Variants in EEF1A2 observed in about 807,000 individuals in gnomAD.
EEF1A2 encodes eukaryotic translation elongation factor 1 alpha 2.
Under a neutral mutation model 39.3 loss-of-function variants are expected in EEF1A2, and 5 were observed. The observed-to-expected ratio is 0.13, with a 90% CI of 0.07 to 0.27. The LOEUF (loss-of-function observed/expected upper bound fraction) is 0.27, where lower values mean the gene tolerates loss of function less well. Among genes scored for constraint, EEF1A2 ranks in the 10% least tolerant of loss-of-function variants. The pLI is 1.00. For synonymous variants in EEF1A2, 287 were observed against 293.7 expected (o/e 0.98, Z 0.23); for missense variants, 218 against 681.4 (o/e 0.32, Z 7.57).
At chr20:63,488,725 C>T (rs2082364866) in intron 7 of EEF1A2, among the ~76,000 whole-genome samples, 193 bp downstream of exon 7, 1 of 152,242 alleles carries the variant, frequency 6.6e-6, no homozygotes, top group Non-Finnish European at 1.5e-5. Context: ...CAGGGCCCAC[C>T]CCAGCTCGTC....
At position 63,493,291 on chromosome 20, in the gene EEF1A2, G is replaced by C. The variant is rs1313830443; in HGVS notation, c.622-4C>G. ...TCCAGCCCTTGAACCACGGCATCTG[G>C]ACCAAAGGGAGAAAATCAATCCGTT... On this transcript the variant is annotated splice_polypyrimidine_tract_variant and splice_region_variant and intron_variant, in intron 4 of 7. Coordinates refer to ENST00000217182, the MANE Select transcript of EEF1A2 (RefSeq NM_001958.5). 1 of 1,507,878 alleles carries C rather than the reference G, an allele frequency of 6.6e-7. No homozygotes were observed. The highest frequency in any genetic ancestry group is 2.1e-5 in the Admixed American group (1 of 47,240). The allele number at this position is 1,507,878 out of a possible 1,614,324, so 93.4% of individuals were successfully genotyped here.
chr20:63,494,692 T>C (rs2082408452), intron 4 of EEF1A2, 113 bp downstream of exon 4: 2 of 1,393,842 alleles, frequency 1.4e-6, no homozygotes, highest in Non-Finnish European at 1.9e-6. Flanking sequence ...GAGGGGAACC[T>C]GCATTTCCCG....
chr20:63,498,561 A>ACCCT lies in EEF1A2; in HGVS notation c.-72+493_-72+496dup, dbSNP rs1205843569. 16 of 150,264 alleles carry ACCCT rather than the reference A, an allele frequency of 1.1e-4. No individual in the cohort carries two copies. Among genetic ancestry groups the ACCCT allele is most frequent in the African/African-American group, 4.0e-4 (16 of 40,172 alleles). 9.3% of individuals were successfully genotyped at this position (150,264 alleles called of 1,614,324 possible). ...TCGGCCCCGTGGGGGTATAGGGGGC[A>ACCCT]CCCTCCCTCCCCCCCTCCCTGTGAC... On this transcript the variant is annotated intron_variant, in intron 1 of 7. Transcript: ENST00000217182. This position sits in a 1 kb window ranked among gnomAD's most constrained non-coding sequence, Gnocchi z 4.1.
intron 6 of EEF1A2, 145 bp from the exon 7 acceptor site, chr20:63,489,297 G>A: frequency 1.4e-6 from 1 of 715,590 alleles, no homozygotes; most frequent in South Asian, 1.9e-5. Flanking sequence ...CTCAGGCTCT[G>A]AGGACCCAGC....
In EEF1A2 at chr20:63,497,859, G is replaced by T. The variant is rs957009078; in HGVS notation, c.-71-25C>A. 1.3e-6 allele frequency: 2 copies of T among 1,495,162 alleles called. No homozygotes were observed. Among genetic ancestry groups the T allele is most frequent in the African/African-American group, 2.8e-5 (2 of 71,744 alleles). 92.6% of individuals were successfully genotyped at this position (1,495,162 alleles called of 1,614,324 possible). On this transcript the variant is annotated intron_variant, in intron 1 of 7. Coordinates refer to ENST00000217182, the MANE Select transcript of EEF1A2 (RefSeq NM_001958.5). This position sits in a 1 kb window ranked among gnomAD's most constrained non-coding sequence, Gnocchi z 7.3. ...TCTGTGGGGCCAGTGGTGGTGGGGA[G>T]ACCGGTGATGGGGAGCCCCAGGGGG...
rs902592743 is a variant in EEF1A2 at position 63,497,214 on chromosome 20, T to C, written c.144+406A>G. The C allele has an allele frequency of 4.2e-4, 68 of 162,694 alleles. No individual in the cohort carries two copies. The highest frequency in any genetic ancestry group is 7.7e-4 in the Non-Finnish European group (58 of 75,422). 10.1% of individuals were successfully genotyped at this position (162,694 alleles called of 1,614,324 possible). Reference sequence around the variant, plus strand: ...GGCCGGCTGCCCATCAATCAGCTATTAATAGTAGCGTGTGCCCTGGCAGGG... The same window carrying C: ...GGCCGGCTGCCCATCAATCAGCTATCAATAGTAGCGTGTGCCCTGGCAGGG... On this transcript the variant is annotated intron_variant, in intron 2 of 7. Transcript: ENST00000217182. This position sits in a 1 kb window ranked among gnomAD's most constrained non-coding sequence, Gnocchi z 7.3.
chr20:63,491,876 AGATG>A (rs1167375518), intron 5 of EEF1A2, among the ~76,000 whole-genome samples: 1,173 of 62,278 alleles, frequency 0.019, 27 homozygotes, highest in African/African-American at 0.068. Context: ...GTGGATGGAT[AGATG>A]GATGGATGGA....
Position 63,489,003 on chromosome 20 carries a change from G to T in EEF1A2, c.1179C>A (p.Ser393=). The T allele has an allele frequency of 6.2e-7, 1 of 1,612,730 alleles. No individual in the cohort carries two copies. Among genetic ancestry groups the T allele is most frequent in the Non-Finnish European group, 8.5e-7 (1 of 1,179,934 alleles). The change falls in exon 7 of 8, where the codon TCC becomes TCA. Residue 393 remains serine, a synonymous_variant. Transcript: ENST00000217182. The stretch of plus-strand genomic sequence containing the variant: ...CGATGGCCGCGTCTCCAGACTTCAG[G>T]GACTTGGGGTTGTCCTCCAGCTTCT... The part of the protein sequence containing the change: ...SGKKLEDNPK[S]LKSGDAAIVE...
At position 63,498,716 on chromosome 20, in the gene EEF1A2, G is replaced by GA. The variant is rs1269305896; in HGVS notation, c.-72+341_-72+342insT. ...ACCCTGGGGTGGGAACACGGGTGGGGGTGGGGAGGCCAGGGCCCCCAGATC... is the reference window on the plus strand; with the variant it reads ...ACCCTGGGGTGGGAACACGGGTGGGGAGTGGGGAGGCCAGGGCCCCCAGATC... On this transcript the variant is annotated intron_variant, in intron 1 of 7. Coordinates refer to ENST00000217182, the MANE Select transcript of EEF1A2 (RefSeq NM_001958.5). This position sits in a 1 kb window ranked among gnomAD's most constrained non-coding sequence, Gnocchi z 4.1. 6.6e-6 allele frequency: 1 copy of GA among 152,160 alleles called. No homozygotes were observed. Among genetic ancestry groups the GA allele is most frequent in the Non-Finnish European group, 1.5e-5 (1 of 68,030 alleles). The allele number at this position is 152,160 out of a possible 1,614,324, so 9.4% of individuals were successfully genotyped here. A position where few individuals can be genotyped will look rare whatever the true frequency, so the allele number is the denominator to read the frequency against.
intron 4 of EEF1A2, 50 bp downstream of exon 4, chr20:63,494,754 CA>C (rs758010229): frequency 2.0e-5 from 32 of 1,570,056 alleles, no homozygotes; most frequent in South Asian, 6.9e-5. Flanking sequence ...CGCTCTGGGC[CA>C]GGGGGTCCAG....
chr20:63,494,835 G>A lies in EEF1A2; in HGVS notation c.591C>T (p.His197=), dbSNP rs544191007. 30 of 1,612,112 alleles carry A rather than the reference G, an allele frequency of 1.9e-5. No individual in the cohort carries two copies. The highest frequency in any genetic ancestry group is 1.6e-4 in the Middle Eastern group (1 of 6,062). Residue 197 remains histidine (H), a synonymous_variant, in exon 4 of 8, where the codon CAC becomes CAT. Coordinates refer to ENST00000217182, the MANE Select transcript of EEF1A2 (RefSeq NM_001958.5). ...GGGAGGGCTCCAGCATGTTGTCACCGTGCCAGCCGGAGATGGGCACAAAGG... is the reference window on the plus strand; with the variant it reads ...GGGAGGGCTCCAGCATGTTGTCACCATGCCAGCCGGAGATGGGCACAAAGG... ...TVPFVPISGW[H]GDNMLEPSPN...
intron 5 of EEF1A2, among the ~76,000 whole-genome samples, chr20:63,492,543 T>TGGAG (rs2082392780): frequency 2.1e-5 from 2 of 97,012 alleles, no homozygotes; most frequent in Non-Finnish European, 4.6e-5. Context: ...GAAGGATGGA[T>TGGAG]GGATGGATAG....
chr20:63,498,899 C>T lies in EEF1A2; in HGVS notation c.-72+159G>A, dbSNP rs1213952444. On this transcript the variant is annotated intron_variant, in intron 1 of 7. Transcript: ENST00000217182. The surrounding 1 kb of genome is among the most constrained non-coding windows in gnomAD (Gnocchi z 4.1). ...CCCCGCGCCGCCCCCCACCCCGGGC[C>T]CAGCCCGGCCGACGCGGGGACCCCC... Among the ~76,000 whole-genome samples, 2 of 149,830 alleles carry T rather than the reference C, an allele frequency of 1.3e-5. No homozygotes were observed. Among genetic ancestry groups the T allele is most frequent in the Admixed American group, 1.3e-4 (2 of 15,060 alleles).
chr20:63,491,613 C>T (rs1230633003), intron 5 of EEF1A2, among the ~76,000 whole-genome samples: 1 of 151,930 alleles, frequency 6.6e-6, no homozygotes, highest in Non-Finnish European at 1.5e-5. Flanking sequence ...GGTTTCTCTT[C>T]TTGGTGGGAT....
Position 63,493,763 on chromosome 20 carries a change from G to C in EEF1A2, c.622-476C>G, listed in dbSNP as rs2082403074. ...CCAGCCTTGTCCGGAGCTTCTCCTA[G>C]TGTGGCCCCCACTCCCATCCCATGA... On this transcript the variant is annotated intron_variant, in intron 4 of 7. Transcript: ENST00000217182. Among the ~76,000 whole-genome samples, 3 of 152,184 alleles carry C rather than the reference G, an allele frequency of 2.0e-5. No homozygotes were observed. The South Asian group carries it at 6.2e-4, about 31-fold the overall frequency.
At chr20:63,491,869 GAT>G (rs1332653424) in intron 5 of EEF1A2, among the ~76,000 whole-genome samples, 3 of 84,702 alleles carry the variant, frequency 3.5e-5, no homozygotes, top group East Asian at 1.1e-3. Flanking sequence ...TGGGGAGGTG[GAT>G]GGATAGATGG....
chr20:63,488,805 G>T, intron 7 of EEF1A2, 113 bp downstream of exon 7: 2 of 1,185,290 alleles, frequency 1.7e-6, no homozygotes, highest in Non-Finnish European at 1.2e-6. Flanking sequence ...GCCAAGCTCC[G>T]CAGGAAAGGG....
chr20:63,489,370 C>T (rs1231116978), intron 6 of EEF1A2, among the ~76,000 whole-genome samples: 11 of 149,342 alleles, frequency 7.4e-5, no homozygotes, highest in Non-Finnish European at 1.3e-4. Context: ...TTCATTGTTT[C>T]GAAGGGGCAG....
chr20:63,488,244 C>A lies in EEF1A2; in HGVS notation c.*54G>T. 2.2e-6 allele frequency: 2 copies of A among 907,410 alleles called. No homozygotes were observed. Among genetic ancestry groups the A allele is most frequent in the East Asian group, 1.6e-4 (1 of 6,298 alleles). 56.2% of individuals were successfully genotyped at this position (907,410 alleles called of 1,614,324 possible). A position where few individuals can be genotyped will look rare whatever the true frequency, so the allele number is the denominator to read the frequency against. ...CGGGGGCGGGGCGGGGGCCCGGGCC[C>A]GGGGTTCGGAGCGCGGCACCGCCGG... On this transcript the variant is annotated 3_prime_UTR_variant, in exon 8 of 8. Transcript: ENST00000217182.
Sources: gnomAD v4.1 joint callset for allele counts (sites outside exome capture counted in the v4.1 genomes callset) on GRCh38, gnomAD v4.1.1 for gene constraint, Gnocchi (gnomAD v3.1) non-coding constraint, MANE v1.5 for transcripts, NCBI Gene and HGNC (gene_info 2026-07-23, HGNC 2026-07-21) for gene names.